The following ASH2L variants were observed in gnomAD, a reference collection of about 807,000 sequenced individuals.
ASH2L encodes set1/Ash2 histone methyltransferase complex subunit ASH2.
Under a neutral mutation model 81.1 loss-of-function variants are expected in ASH2L, and 30 were observed. That is an observed-to-expected ratio of 0.37 (90% CI 0.28 to 0.50). ASH2L has a LOEUF of 0.50. ASH2L is among the 20% of genes least tolerant of loss of function. The probability of loss-of-function intolerance (pLI) is 0.95; values close to 1 mark genes in which losing one functional copy is unlikely to be tolerated. For synonymous variants in ASH2L, 273 were observed against 279.9 expected (o/e 0.98, Z 0.24); for missense variants, 559 against 792.1 (o/e 0.71, Z 3.53).
In ASH2L at chr8:38,140,038, A is replaced by G. The variant is rs1802408846; in HGVS notation, c.*967A>G. 6.6e-6 allele frequency: 1 copy of G among 152,122 alleles called. No homozygotes were observed. The highest frequency in any genetic ancestry group is 6.6e-5 in the Admixed American group (1 of 15,250). The allele number at this position is 152,122 out of a possible 1,614,324, so 9.4% of individuals were successfully genotyped here. ...ATGGCTAAAGGGCAGTTTTCGGACT[A>G]TTAAAGACTGAAATGTAAGAATGAG... On this transcript the variant is annotated 3_prime_UTR_variant, in exon 16 of 16. Transcript: ENST00000343823.
chr8:38,119,322 G>A lies in ASH2L; in HGVS notation c.906G>A (p.Gln302=), dbSNP rs761002457. Residue 302 remains glutamine, a synonymous_variant, in exon 9 of 16, where the codon CAG becomes CAA. Transcript: ENST00000343823. ...AAGGACGAGGAGCCAAGCGCAAACAGCAGGATGGAGGGACCACAGGGACCA... is the reference window on the plus strand; with the variant it reads ...AAGGACGAGGAGCCAAGCGCAAACAACAGGATGGAGGGACCACAGGGACCA... ...SGKGRGAKRK[Q]QDGGTTGTTK... is the part of the protein sequence containing the mutation. 6.4e-7 allele frequency: 1 copy of A among 1,550,776 alleles called. No individual in the cohort carries two copies.
intron 6 of ASH2L, chr8:38,114,672 A>G (rs944274105): frequency 3.2e-5 from 16 of 496,630 alleles, no homozygotes; most frequent in Non-Finnish European, 4.7e-5. Context: ...AACAGTGCTT[A>G]TCTTTGTGAA....
Position 38,114,960 on chromosome 8 carries a change from A to G in ASH2L, c.737A>G (p.Asp246Gly). 6.2e-7 allele frequency: 1 copy of G among 1,613,120 alleles called. No homozygotes were observed. The highest frequency in any genetic ancestry group is 1.1e-5 in the South Asian group (1 of 91,050). Residue 246 changes from aspartate to glycine, a missense_variant, in exon 7 of 16, where the codon GAT (aspartate) becomes GGT (glycine). Physicochemically the swap from Asp to Gly is moderately conservative, Grantham distance 94. Transcript: ENST00000343823. ...GAACACCCAGATCCAGGCAGTAAAGATCCAGAAGAAGATTACCCCAAATTT... is the reference window on the plus strand; with the variant it reads ...GAACACCCAGATCCAGGCAGTAAAGGTCCAGAAGAAGATTACCCCAAATTT... The part of the protein sequence containing the change: ...VKEHPDPGSK[D>G]PEEDYPKFGL...
chr8:38,135,066 A>G (rs1802200707), intron 13 of ASH2L, among the ~76,000 whole-genome samples: 1 of 152,032 alleles, frequency 6.6e-6, no homozygotes, highest in Non-Finnish European at 1.5e-5. Context: ...AAAAAAAAAA[A>G]ATTTTGTAGA....
chr8:38,107,842 G>C (rs1453093412), intron 3 of ASH2L, among the ~76,000 whole-genome samples: 1 of 151,628 alleles, frequency 6.6e-6, no homozygotes, highest in African/African-American at 2.4e-5. Flanking sequence ...AATCCACCTT[G>C]GGTGAGATTG....
chr8:38,117,633 G>A, intron 8 of ASH2L: 1 of 214,136 alleles, frequency 4.7e-6, no homozygotes, highest in Non-Finnish European at 8.0e-6. Flanking sequence ...TGAGTTTAAT[G>A]TTAGTATTTA....
At chr8:38,111,588 A>G (rs1810683603) in intron 5 of ASH2L, among the ~76,000 whole-genome samples, 1 of 151,572 alleles carries the variant, frequency 6.6e-6, no homozygotes, top group Non-Finnish European at 1.5e-5. Context: ...GGGTTTCGCC[A>G]CGTTGCCCAG....
intron 9 of ASH2L, 130 bp from the exon 10 acceptor site, chr8:38,120,802 A>G (rs1811113365): frequency 9.9e-6 from 7 of 704,938 alleles, no homozygotes; most frequent in Non-Finnish European, 1.4e-5. Context: ...TTATTTGAGT[A>G]ATGAGAAGTA....
Position 38,136,517 on chromosome 8 carries a change from G to A in ASH2L, c.1719+751G>A, listed in dbSNP as rs533026531. 2.0e-5 allele frequency among the ~76,000 whole-genome samples: 3 copies of A among 152,074 alleles called. No homozygotes were observed. The South Asian group carries it at 6.3e-4, about 32-fold the overall frequency. The stretch of plus-strand genomic sequence containing the variant: ...GGGCTGGGTGCACTGGCTCACGCTT[G>A]TAATCCCAGCACTTTGGGAGGCCAA... On this transcript the variant is annotated intron_variant, in intron 14 of 15. Transcript: ENST00000343823.
At chr8:38,134,617 A>C (rs1465936224) in intron 13 of ASH2L, among the ~76,000 whole-genome samples, 1 of 152,176 alleles carries the variant, frequency 6.6e-6, no homozygotes, top group Non-Finnish European at 1.5e-5. Flanking sequence ...CAAAAATAAA[A>C]AGGGAAGTGG....
intron 12 of ASH2L, among the ~76,000 whole-genome samples, chr8:38,133,128 G>A (rs955706404): frequency 4.0e-5 from 6 of 151,764 alleles, no homozygotes; most frequent in Non-Finnish European, 7.4e-5. Context: ...CTCAATAAAC[G>A]TCATTTTTTT....
At position 38,119,370 on chromosome 8, in the gene ASH2L, A is replaced by G; in HGVS notation, c.947+7A>G. The G allele has an allele frequency of 6.5e-7, 1 of 1,529,110 alleles. No individual in the cohort carries two copies. Among genetic ancestry groups the G allele is most frequent in the Non-Finnish European group, 8.8e-7 (1 of 1,139,132 alleles). 94.7% of individuals were successfully genotyped at this position (1,529,110 alleles called of 1,614,324 possible). A position where few individuals can be genotyped will look rare whatever the true frequency, so the allele number is the denominator to read the frequency against. ...CCACCAAGAAGGCCCGGAGGTGGGG[A>G]GAGTGCCCACCCTGCCCCCCTCACT... is the stretch of plus-strand genomic sequence containing the variant. On this transcript the variant is annotated splice_region_variant and intron_variant, in intron 9 of 15. Transcript: ENST00000343823.
chr8:38,128,298 G>T lies in ASH2L; in HGVS notation c.1173G>T (p.Gln391His). ...VLLALHDRAP[Q>H]LKISDDRLTV... ...TAATCTCTGTCACCGCAGCTCCCCA[G>T]TTAAAGATCTCAGATGACCGGCTGA... The change falls in exon 11 of 16, where the codon CAG becomes CAT. Residue 391 changes from glutamine to histidine, a missense_variant. This residue lies in a region of ASH2L where 318 missense variants were observed against 527.0 expected (regional missense o/e 0.60). Transcript: ENST00000343823. 1 of 1,614,144 alleles carries T rather than the reference G, an allele frequency of 6.2e-7. No homozygotes were observed.
chr8:38,121,203 A>G (rs1312311052), intron 10 of ASH2L, 54 bp downstream of exon 10: 43 of 1,504,328 alleles, frequency 2.9e-5, no homozygotes, highest in Admixed American at 5.0e-5. Flanking sequence ...AACTGCCATC[A>G]TTAGCCTTGT....
intron 8 of ASH2L, among the ~76,000 whole-genome samples, chr8:38,118,322 C>T (rs779428469): frequency 6.6e-6 from 1 of 152,032 alleles, no homozygotes; most frequent in African/African-American, 2.4e-5. Flanking sequence ...CAGTTGTTTA[C>T]GTAAAGGTGT....
chr8:38,123,621 T>C (rs1801718600), intron 10 of ASH2L, among the ~76,000 whole-genome samples: 1 of 152,168 alleles, frequency 6.6e-6, no homozygotes, highest in African/African-American at 2.4e-5. Context: ...GTATGTATGT[T>C]TGGAGTGAGG....
intron 2 of ASH2L, 148 bp downstream of exon 2, chr8:38,106,592 C>G (rs561843356): frequency 1.5e-6 from 1 of 647,768 alleles, no homozygotes; most frequent in African/African-American, 1.8e-5. Flanking sequence ...ACTGCAACCT[C>G]CTCCCCCCGG....
chr8:38,117,498 C>G, intron 8 of ASH2L: 2 of 984,778 alleles, frequency 2.0e-6, no homozygotes, highest in Non-Finnish European at 2.4e-6. Flanking sequence ...TTCTTTCAGC[C>G]TCTCAGACTT....
At chr8:38,128,265 C>A (rs376842262) in intron 10 of ASH2L, 26 bp from the exon 11 acceptor site, 1 of 1,613,132 alleles carries the variant, frequency 6.2e-7, no homozygotes, top group Admixed American at 1.7e-5. Context: ...AAGTTGCAGG[C>A]CTTCTTTTAA....
Sources: allele counts gnomAD v4.1 joint callset (sites outside exome capture counted in the v4.1 genomes callset), GRCh38; gene constraint gnomAD v4.1.1; regional missense constraint gnomAD v4.1.1; transcripts MANE v1.5; gene names NCBI Gene and HGNC (gene_info 2026-07-23, HGNC 2026-07-21).